The following ENTPD1 variants were observed in gnomAD, a reference collection of about 807,000 sequenced individuals.
ENTPD1 encodes ectonucleoside triphosphate diphosphohydrolase 1.
Under a neutral mutation model 57.0 loss-of-function variants are expected in ENTPD1, and 33 were observed. That is an observed-to-expected ratio of 0.58 (90% CI 0.44 to 0.77). The LOEUF (loss-of-function observed/expected upper bound fraction) is 0.77. ENTPD1 is among the 30% of genes least tolerant of loss of function. The probability of loss-of-function intolerance (pLI) is 0.00; values close to 1 mark genes in which losing one functional copy is unlikely to be tolerated. For synonymous variants in ENTPD1, 202 were observed against 218.8 expected (o/e 0.92, Z 0.68); for missense variants, 501 against 603.4 (o/e 0.83, Z 1.78).
At chr10:95,713,756 T>C (rs540210573) in intron 1 of ENTPD1, among the ~76,000 whole-genome samples, 2 of 152,350 alleles carry the variant, frequency 1.3e-5, no homozygotes, top group East Asian at 3.9e-4. Flanking sequence ...GTAGACAGGA[T>C]ATCCACTGCA....
chr10:95,856,671 T>TATATAC (rs571622251), intron 7 of ENTPD1, among the ~76,000 whole-genome samples: 9,520 of 146,534 alleles, frequency 0.065, 344 homozygotes, highest in African/African-American at 0.082. Flanking sequence ...TATATATATA[T>TATATAC]ACACACACAT....
chr10:95,737,623 G>C (rs947241682), intron 1 of ENTPD1, among the ~76,000 whole-genome samples: 1 of 152,100 alleles, frequency 6.6e-6, no homozygotes, highest in African/African-American at 2.4e-5. Context: ...CTGACCTCAG[G>C]TGATCCACCT....
intron 7 of ENTPD1, among the ~76,000 whole-genome samples, chr10:95,859,438 C>T (rs1415715213): frequency 2.6e-5 from 4 of 152,200 alleles, no homozygotes; most frequent in Non-Finnish European, 5.9e-5. Flanking sequence ...CCAATCTAAC[C>T]GTGTTTGCCA....
chr10:95,728,636 G>T (rs1270400487), intron 1 of ENTPD1, among the ~76,000 whole-genome samples: 1 of 152,144 alleles, frequency 6.6e-6, no homozygotes, highest in Non-Finnish European at 1.5e-5. Flanking sequence ...AGCCATGAGA[G>T]ATCAGTTTTT....
In ENTPD1 at chr10:95,866,573, G is replaced by A. The variant is rs1590220161; in HGVS notation, c.*190G>A. The A allele has an allele frequency of 2.1e-5, 30 of 1,448,844 alleles. No individual in the cohort carries two copies. The highest frequency in any genetic ancestry group is 5.1e-5 in the East Asian group (2 of 38,942). 89.7% of individuals were successfully genotyped at this position (1,448,844 alleles called of 1,614,324 possible). On this transcript the variant is annotated 3_prime_UTR_variant, in exon 10 of 10. Transcript: ENST00000371205. Reference sequence around the variant, plus strand: ...CAATATCCTTTGCCTCAAGGACTTCGGCAGATACTGTCTCTTTCATGAGTT... The same window carrying A: ...CAATATCCTTTGCCTCAAGGACTTCAGCAGATACTGTCTCTTTCATGAGTT...
chr10:95,854,628 T>C (rs977732406), intron 7 of ENTPD1, among the ~76,000 whole-genome samples: 5 of 152,250 alleles, frequency 3.3e-5, no homozygotes, highest in Non-Finnish European at 7.3e-5. Context: ...TTCTGGTATG[T>C]TGTGTCTTTG....
At chr10:95,798,081 T>C (rs2098233835) in intron 1 of ENTPD1, among the ~76,000 whole-genome samples, 1 of 151,988 alleles carries the variant, frequency 6.6e-6, no homozygotes, top group African/African-American at 2.4e-5. Flanking sequence ...GCTGGCAAAG[T>C]AGGGGAAGTA....
the ENTPD1 span, among the ~76,000 whole-genome samples, chr10:95,702,585 A>C: frequency 6.6e-6 from 1 of 152,194 alleles, no homozygotes; most frequent in Non-Finnish European, 1.5e-5. Context: ...GCAATATATT[A>C]GGATATTTTG....
chr10:95,757,549 A>C (rs1198765341), intron 1 of ENTPD1, among the ~76,000 whole-genome samples: 1 of 152,164 alleles, frequency 6.6e-6, no homozygotes, highest in Non-Finnish European at 1.5e-5. Flanking sequence ...CTGTGAAGGA[A>C]TTTGTACTTT....
chr10:95,851,363 A>C (rs760977447), intron 7 of ENTPD1, among the ~76,000 whole-genome samples: 86 of 152,190 alleles, frequency 5.7e-4, no homozygotes, highest in Non-Finnish European at 8.5e-4. Flanking sequence ...CAAGTTCAAC[A>C]AAGGAGAGAA....
At chr10:95,780,882 C>T (rs2098154814) in intron 1 of ENTPD1, among the ~76,000 whole-genome samples, 1 of 152,154 alleles carries the variant, frequency 6.6e-6, no homozygotes. Context: ...CCAGTGCATG[C>T]ATATGATCCA....
At chr10:95,837,249 T>C (rs1165994520) in intron 2 of ENTPD1, among the ~76,000 whole-genome samples, 6 of 152,216 alleles carry the variant, frequency 3.9e-5, no homozygotes, top group Non-Finnish European at 7.3e-5. Context: ...TTGCTGCTTC[T>C]ACCTCACCAG....
At chr10:95,748,591 AG>A in intron 1 of ENTPD1, among the ~76,000 whole-genome samples, 1 of 152,226 alleles carries the variant, frequency 6.6e-6, no homozygotes, top group Non-Finnish European at 1.5e-5. Context: ...CCAGCAGATA[AG>A]GGCTTTGGAA....
intron 1 of ENTPD1, among the ~76,000 whole-genome samples, chr10:95,726,698 A>G (rs922960888): frequency 1.3e-5 from 2 of 152,114 alleles, no homozygotes; most frequent in African/African-American, 4.8e-5. Flanking sequence ...TACTTTCAAG[A>G]TATTTTATTT....
intron 1 of ENTPD1, among the ~76,000 whole-genome samples, chr10:95,808,058 C>T (rs2098280470): frequency 6.6e-6 from 1 of 152,150 alleles, no homozygotes; most frequent in South Asian, 2.1e-4. Flanking sequence ...GTGGGTTTGT[C>T]ATAGATGGCT....
intron 1 of ENTPD1, among the ~76,000 whole-genome samples, chr10:95,782,522 A>G (rs1401048684): frequency 6.6e-6 from 1 of 152,222 alleles, no homozygotes; most frequent in Non-Finnish European, 1.5e-5. Flanking sequence ...CTCCTGGCTA[A>G]TCAGAAGGTT....
rs137860607 is a variant in ENTPD1 at position 95,810,593 on chromosome 10, C to T, written c.17-12644C>T. On this transcript the variant is annotated intron_variant, in intron 1 of 9. Transcript: ENST00000371205. Reference sequence around the variant, plus strand: ...TGCCTTTTTTATTCTATGTAGATGACCCCATCCCCACCATATTCACATATT... The same window carrying T: ...TGCCTTTTTTATTCTATGTAGATGATCCCATCCCCACCATATTCACATATT... Among the ~76,000 whole-genome samples, 448 of 152,334 alleles carry T rather than the reference C, an allele frequency of 2.9e-3. 1 individual carries two copies. The highest frequency in any genetic ancestry group is 8.6e-3 in the African/African-American group (359 of 41,578).
At chr10:95,751,415 G>C (rs1406984628), upstream of ENTPD1, among the ~76,000 whole-genome samples, 1 of 152,108 alleles carries the variant, frequency 6.6e-6, no homozygotes, top group Non-Finnish European at 1.5e-5. Flanking sequence ...TAGGTGGATG[G>C]TAGTGCCATT....
intron 1 of ENTPD1, among the ~76,000 whole-genome samples, chr10:95,773,767 T>C (rs2098123799): frequency 6.6e-6 from 1 of 152,264 alleles, no homozygotes; most frequent in Non-Finnish European, 1.5e-5. Context: ...AAGTCTTTGC[T>C]ATTGTGAATA....
Sources: allele counts gnomAD v4.1 joint callset (sites outside exome capture counted in the v4.1 genomes callset), GRCh38; gene constraint gnomAD v4.1.1; transcripts MANE v1.5; gene names NCBI Gene and HGNC (gene_info 2026-07-23, HGNC 2026-07-21).